PCSK5: variants seen among roughly 807,000 people sequenced by gnomAD.
PCSK5 encodes the protein proprotein convertase subtilisin/kexin type 5.
PCSK5 carries 129 observed loss-of-function variants against 233.2 expected under a neutral mutation model. The observed-to-expected ratio is 0.55, with a 90% confidence interval of 0.48 to 0.64. PCSK5 has a LOEUF of 0.64. Among genes scored for constraint, PCSK5 ranks in the 30% least tolerant of loss-of-function variants. The pLI is 0.00. For synonymous variants in PCSK5, 825 were observed against 879.2 expected (o/e 0.94, Z 1.09); for missense variants, 2,076 against 2,430.1 (o/e 0.85, Z 3.06).
intron 22 of PCSK5, among the ~76,000 whole-genome samples, chr9:76,235,374 T>C (rs7021121): frequency 0.014 from 2,073 of 152,270 alleles, 47 homozygotes; most frequent in African/African-American, 0.048. Context: ...TCTCCATATA[T>C]AGCACAAAAT....
At chr9:76,118,718 TA>T (rs1323590517) in intron 9 of PCSK5, among the ~76,000 whole-genome samples, 3 of 151,928 alleles carry the variant, frequency 2.0e-5, no homozygotes, top group African/African-American at 4.8e-5. Context: ...ATTTAAATTA[TA>T]TTATCATCAA....
At chr9:76,211,294 C>T (rs143524905) in intron 20 of PCSK5, among the ~76,000 whole-genome samples, 1 of 152,314 alleles carries the variant, frequency 6.6e-6, no homozygotes, top group Non-Finnish European at 1.5e-5. Flanking sequence ...GATGACCTGG[C>T]ACCTATCATC....
intron 15 of PCSK5, among the ~76,000 whole-genome samples, chr9:76,180,087 G>GTGTGTATA (rs543361179): frequency 2.3e-5 from 3 of 132,610 alleles, no homozygotes; most frequent in South Asian, 2.5e-4. Flanking sequence ...GTGTGTGTGT[G>GTGTGTATA]TATATATATA....
rs577514525 is a variant in PCSK5, at chr9:76,294,662, T to C, written c.3186-613T>C. 2.0e-5 allele frequency among the ~76,000 whole-genome samples: 3 copies of C among 151,638 alleles called. No homozygotes were observed. The South Asian group carries it at 6.3e-4, about 32-fold the overall frequency. On this transcript the variant is annotated intron_variant, in intron 25 of 37. Transcript: ENST00000674117. ...CATGATATCTACCATACGAGATTTG[T>C]GGAGATTTAGATGAGCTAATACTTG...
At chr9:76,285,862 CT>C (rs1828046223) in intron 24 of PCSK5, among the ~76,000 whole-genome samples, 1 of 151,878 alleles carries the variant, frequency 6.6e-6, no homozygotes, top group Non-Finnish European at 1.5e-5. Context: ...GTATGTTCCT[CT>C]TTTTTTGAAT....
intron 8 of PCSK5, among the ~76,000 whole-genome samples, chr9:76,106,984 T>A (rs890702208): frequency 6.6e-6 from 1 of 152,200 alleles, no homozygotes; most frequent in African/African-American, 2.4e-5. Context: ...ATTTGCATGA[T>A]CTTTATGTTT....
At chr9:76,028,176 A>G (rs1828507618) in intron 5 of PCSK5, among the ~76,000 whole-genome samples, 1 of 152,206 alleles carries the variant, frequency 6.6e-6, no homozygotes, top group African/African-American at 2.4e-5. Context: ...CTATAGGTAG[A>G]ATTTTCCAGA....
chr9:76,047,011 C>G (rs1048985030), intron 5 of PCSK5, among the ~76,000 whole-genome samples: 2 of 152,194 alleles, frequency 1.3e-5, no homozygotes, highest in Non-Finnish European at 2.9e-5. Context: ...GCCCCTGTGT[C>G]TCTAAGTGTG....
intron 20 of PCSK5, among the ~76,000 whole-genome samples, chr9:76,198,424 T>C (rs545084842): frequency 2.6e-5 from 4 of 152,314 alleles, no homozygotes; most frequent in Non-Finnish European, 5.9e-5. Flanking sequence ...TTTACTAAAA[T>C]GGATTTATTT....
At chr9:76,251,563 CAA>C (rs60973474) in intron 24 of PCSK5, among the ~76,000 whole-genome samples, 123 of 96,806 alleles carry the variant, frequency 1.3e-3, no homozygotes, top group African/African-American at 4.9e-3. Flanking sequence ...GACTCCGTCT[CAA>C]AAAAAAAAAA....
At chr9:76,338,479 C>T (rs576543101) in intron 35 of PCSK5, 32 bp downstream of exon 35, 204 of 1,472,070 alleles carry the variant, frequency 1.4e-4, no homozygotes, top group Non-Finnish European at 1.8e-4. Flanking sequence ...TGCATGAGTG[C>T]GTAGAAAAAT....
chr9:75,937,827 C>T (rs1824126234), intron 2 of PCSK5, among the ~76,000 whole-genome samples: 1 of 152,196 alleles, frequency 6.6e-6, no homozygotes, highest in South Asian at 2.1e-4. Flanking sequence ...TTTCCTTAAA[C>T]CTCATGAACC....
chr9:76,151,520 C>T (rs1236994259), intron 10 of PCSK5, among the ~76,000 whole-genome samples: 1 of 152,186 alleles, frequency 6.6e-6, no homozygotes, highest in Admixed American at 6.5e-5. Context: ...ATGCTGGTTT[C>T]CTCTGTGCCT....
chr9:76,118,317 T>A (rs527405301), intron 9 of PCSK5, among the ~76,000 whole-genome samples: 1 of 150,574 alleles, frequency 6.6e-6, no homozygotes, highest in East Asian at 1.9e-4. Context: ...TTTTTAATTT[T>A]AAAAAATAAT....
At chr9:76,182,429 C>T (rs1273867697) in intron 16 of PCSK5, among the ~76,000 whole-genome samples, 1 of 151,880 alleles carries the variant, frequency 6.6e-6, no homozygotes, top group Non-Finnish European at 1.5e-5. Flanking sequence ...CTGTAGTCCA[C>T]CAGGAAAGGC....
chr9:75,993,579 T>TC (rs1826867533), intron 3 of PCSK5, among the ~76,000 whole-genome samples: 1 of 152,144 alleles, frequency 6.6e-6, no homozygotes, highest in South Asian at 2.1e-4. Context: ...AGTCAATATG[T>TC]ACCTTGTTTC....
intron 20 of PCSK5, among the ~76,000 whole-genome samples, chr9:76,192,853 T>C (rs1178235770): frequency 2.0e-5 from 3 of 152,236 alleles, no homozygotes; most frequent in Admixed American, 6.5e-5. Context: ...ATGGTGCATC[T>C]TAAATCTTGT....
At chr9:76,093,390 C>G (rs762508854) in intron 7 of PCSK5, among the ~76,000 whole-genome samples, 67 of 151,562 alleles carry the variant, frequency 4.4e-4, no homozygotes, top group Non-Finnish European at 6.9e-4. Context: ...CCACTACACC[C>G]AGTCTACACA....
intron 8 of PCSK5, among the ~76,000 whole-genome samples, chr9:76,103,969 T>C (rs2131672582): frequency 6.6e-6 from 1 of 152,344 alleles, no homozygotes; most frequent in East Asian, 1.9e-4. Context: ...AGAATCTCTG[T>C]GTTCCCCACC....
Sources: allele counts gnomAD v4.1 joint callset (sites outside exome capture counted in the v4.1 genomes callset), GRCh38; gene constraint gnomAD v4.1.1; transcripts MANE v1.5; gene names NCBI Gene and HGNC (gene_info 2026-07-23, HGNC 2026-07-21).